Variants in NKAIN3 observed in about 807,000 individuals in gnomAD.
NKAIN3 encodes sodium/potassium transporting ATPase interacting 3.
A neutral mutation model predicts 30.2 loss-of-function variants in NKAIN3; 25 were observed. That is an observed-to-expected ratio of 0.83 (90% CI 0.60 to 1.16). The LOEUF (loss-of-function observed/expected upper bound fraction) is 1.16. Among genes scored for constraint, NKAIN3 ranks in the 50% most tolerant of loss-of-function variants. The pLI is 0.00. For missense variants in NKAIN3, 225 were observed against 254.1 expected, an observed-to-expected ratio of 0.89 and a Z score of 0.78; for synonymous variants, 91 against 89.6, an observed-to-expected ratio of 1.02 and a Z score of -0.09.
intron 1 of NKAIN3, among the ~76,000 whole-genome samples, chr8:62,369,531 G>A (rs1402783630): frequency 1.3e-5 from 2 of 152,036 alleles, no homozygotes; most frequent in Non-Finnish European, 2.9e-5. Context: ...ATGGCCAACA[G>A]AGCAGTCATA....
intron 3 of NKAIN3, among the ~76,000 whole-genome samples, chr8:62,646,122 G>A (rs1461092295): frequency 2.9e-4 from 41 of 143,654 alleles, no homozygotes; most frequent in African/African-American, 8.2e-4. Flanking sequence ...ATCAAATGGC[G>A]TTTTCCCTCA....
At chr8:62,497,236 A>G (rs1047896756) in intron 1 of NKAIN3, among the ~76,000 whole-genome samples, 7 of 152,142 alleles carry the variant, frequency 4.6e-5, no homozygotes, top group Non-Finnish European at 1.0e-4. Flanking sequence ...TTTTAGTTAT[A>G]AAAATACAGA....
At chr8:62,677,593 T>C (rs1813516711) in intron 3 of NKAIN3, among the ~76,000 whole-genome samples, 2 of 152,208 alleles carry the variant, frequency 1.3e-5, no homozygotes, top group Non-Finnish European at 2.9e-5. Flanking sequence ...TCTAATATGT[T>C]CACCTAATAT....
chr8:62,605,755 C>G (rs1811105534), intron 3 of NKAIN3, among the ~76,000 whole-genome samples: 1 of 151,930 alleles, frequency 6.6e-6, no homozygotes, highest in African/African-American at 2.4e-5. Context: ...TGTGCAAATA[C>G]TATATTATTT....
At chr8:62,692,773 C>T (rs911361296) in intron 3 of NKAIN3, among the ~76,000 whole-genome samples, 1 of 152,172 alleles carries the variant, frequency 6.6e-6, no homozygotes, top group Non-Finnish European at 1.5e-5. Flanking sequence ...TCAAAAATAC[C>T]TCCTCAACAA....
intron 5 of NKAIN3, among the ~76,000 whole-genome samples, chr8:62,921,397 T>A (rs1289605859): frequency 6.6e-6 from 1 of 152,164 alleles, no homozygotes; most frequent in Non-Finnish European, 1.5e-5. Context: ...CCTTAAAAAT[T>A]AATAACAGCT....
At chr8:62,435,280 T>C (rs1368480678) in intron 1 of NKAIN3, among the ~76,000 whole-genome samples, 6 of 152,108 alleles carry the variant, frequency 3.9e-5, no homozygotes, top group Non-Finnish European at 7.4e-5. Flanking sequence ...GGGGGCCTAA[T>C]AACCAGTTTC....
intron 4 of NKAIN3, among the ~76,000 whole-genome samples, chr8:62,891,416 T>C (rs1054690927): frequency 6.6e-6 from 1 of 152,186 alleles, no homozygotes; most frequent in Admixed American, 6.5e-5. Context: ...TCAGCTTCTC[T>C]ACTTTTGAGG....
chr8:62,380,848 C>T (rs10504346), intron 1 of NKAIN3, among the ~76,000 whole-genome samples: 1 of 152,036 alleles, frequency 6.6e-6, no homozygotes, highest in African/African-American at 2.4e-5. Flanking sequence ...CAGGTGAATT[C>T]AATCAAACAT....
chr8:62,713,128 G>A (rs1814774807), intron 3 of NKAIN3, among the ~76,000 whole-genome samples: 1 of 152,132 alleles, frequency 6.6e-6, no homozygotes, highest in Non-Finnish European at 1.5e-5. Flanking sequence ...AGGGTCTATG[G>A]GTCCTTTTGG....
intron 1 of NKAIN3, among the ~76,000 whole-genome samples, chr8:62,356,431 T>TGTATTTGTTTAC (rs1447255331): frequency 6.6e-6 from 1 of 152,212 alleles, no homozygotes; most frequent in African/African-American, 2.4e-5. Context: ...TATTTGTTTA[T>TGTATTTGTTTAC]GATGTTCCTC....
At chr8:62,693,109 T>C (rs1387605970) in intron 3 of NKAIN3, among the ~76,000 whole-genome samples, 3 of 152,240 alleles carry the variant, frequency 2.0e-5, no homozygotes, top group Non-Finnish European at 2.9e-5. Context: ...CCTAATATGT[T>C]ATCAGTATCT....
intron 1 of NKAIN3, among the ~76,000 whole-genome samples, chr8:62,503,629 T>C (rs1807532465): frequency 6.6e-6 from 1 of 151,762 alleles, no homozygotes. Flanking sequence ...TCTATGGACC[T>C]TCCCCCAGGA....
At chr8:62,996,184 A>G (rs1173278274) in intron 5 of NKAIN3, among the ~76,000 whole-genome samples, 2 of 150,624 alleles carry the variant, frequency 1.3e-5, no homozygotes, top group Non-Finnish European at 3.0e-5. Flanking sequence ...GAATTAACTC[A>G]TAGTTCTGCA....
chr8:62,710,288 C>A (rs534010771), intron 3 of NKAIN3, among the ~76,000 whole-genome samples: 1 of 152,204 alleles, frequency 6.6e-6, no homozygotes, highest in South Asian at 2.1e-4. Context: ...GACTTTCTGT[C>A]TTGATGACCT....
At chr8:62,879,709 G>A (rs1820916806) in intron 4 of NKAIN3, among the ~76,000 whole-genome samples, 1 of 152,142 alleles carries the variant, frequency 6.6e-6, no homozygotes, top group African/African-American at 2.4e-5. Context: ...ACCTAACAGA[G>A]GGACTGTTCC....
intron 1 of NKAIN3, among the ~76,000 whole-genome samples, chr8:62,514,201 GA>G (rs1807911372): frequency 5.3e-5 from 8 of 152,118 alleles, no homozygotes; most frequent in African/African-American, 9.6e-5. Flanking sequence ...TGCATTCTAT[GA>G]CATCCACTCA....
At position 62,651,581 on chromosome 8, in the gene NKAIN3, G is replaced by A. The variant is rs188752814; in HGVS notation, c.273+61787G>A. On this transcript the variant is annotated intron_variant, in intron 3 of 6. Transcript: ENST00000623646. ...AGATAAAGGCAACAGCACATTTGGT[G>A]TCTGGTGAGGGCCTACTTTTTGGTT... 6.3e-3 allele frequency among the ~76,000 whole-genome samples: 960 copies of A among 152,296 alleles called. 11 individuals are homozygous for A. The highest frequency in any genetic ancestry group is 0.01 in the Middle Eastern group (3 of 294).
intron 3 of NKAIN3, among the ~76,000 whole-genome samples, chr8:62,683,734 C>T (rs1813715096): frequency 6.6e-6 from 1 of 152,088 alleles, no homozygotes. Context: ...TCTGCCCCAC[C>T]CTGAGAAGAT....
Sources: gnomAD v4.1 joint callset for allele counts (sites outside exome capture counted in the v4.1 genomes callset) on GRCh38, gnomAD v4.1.1 for gene constraint, MANE v1.5 for transcripts, NCBI Gene and HGNC (gene_info 2026-07-23, HGNC 2026-07-21) for gene names.